Variants in VAV3 observed in about 807,000 individuals in gnomAD.
The protein encoded by VAV3 is guanine nucleotide exchange factor VAV3.
Under a neutral mutation model 131.2 loss-of-function variants are expected in VAV3, and 94 were observed. The observed-to-expected ratio is 0.72, with a 90% CI of 0.61 to 0.85. The LOEUF is 0.85. Ranked by LOEUF, VAV3 falls within the 40% of genes least tolerant of loss-of-function variation. The pLI, the probability that VAV3 is intolerant of heterozygous loss-of-function variation, is 0.00. For synonymous variants in VAV3, 349 were observed against 342.0 expected, an observed-to-expected ratio of 1.02 and a Z score of -0.22; for missense variants, 939 against 1,002.7, an observed-to-expected ratio of 0.94 and a Z score of 0.86.
At chr1:107,826,699 C>A (rs1448776704) in intron 2 of VAV3, among the ~76,000 whole-genome samples, 1 of 152,176 alleles carries the variant, frequency 6.6e-6, no homozygotes, top group Non-Finnish European at 1.5e-5. Flanking sequence ...CTGATCATTA[C>A]AGCCAAAGTG....
At chr1:107,814,536 T>C (rs1667483031) in intron 2 of VAV3, among the ~76,000 whole-genome samples, 3 of 152,242 alleles carry the variant, frequency 2.0e-5, no homozygotes, top group African/African-American at 7.2e-5. Context: ...ATTAGTCCCT[T>C]GTAGAATGAA....
At chr1:107,888,991 C>A (rs2101054381) in intron 1 of VAV3, among the ~76,000 whole-genome samples, 1 of 152,150 alleles carries the variant, frequency 6.6e-6, no homozygotes, top group East Asian at 1.9e-4. Flanking sequence ...CCTAAATTCA[C>A]CTACCCAGCA....
chr1:107,933,859 G>C (rs915694005), intron 1 of VAV3, among the ~76,000 whole-genome samples: 2 of 150,570 alleles, frequency 1.3e-5, no homozygotes, highest in African/African-American at 4.9e-5. Context: ...TGAAAATTGC[G>C]ATTTTAAAAA....
chr1:107,863,213 T>A (rs1000347566), intron 2 of VAV3, among the ~76,000 whole-genome samples: 1 of 152,172 alleles, frequency 6.6e-6, no homozygotes, highest in Non-Finnish European at 1.5e-5. Context: ...TTCTCTCTTC[T>A]CATCCTCTGA....
intron 1 of VAV3, among the ~76,000 whole-genome samples, chr1:107,907,901 G>T (rs1163601592): frequency 6.6e-6 from 1 of 152,090 alleles, no homozygotes; most frequent in African/African-American, 2.4e-5. Flanking sequence ...CAGTAACAGA[G>T]TTTAGAAAGA....
chr1:107,934,921 A>G (rs1367118087), intron 1 of VAV3, among the ~76,000 whole-genome samples: 1 of 152,252 alleles, frequency 6.6e-6, no homozygotes, highest in Non-Finnish European at 1.5e-5. Flanking sequence ...CGACCAGGCT[A>G]TCTGCAGCTT....
intron 1 of VAV3, among the ~76,000 whole-genome samples, chr1:107,931,580 G>T (rs1246224325): frequency 6.6e-6 from 1 of 152,158 alleles, no homozygotes; most frequent in Non-Finnish European, 1.5e-5. Flanking sequence ...CTATTCAAAT[G>T]ATACAGATTA....
chr1:107,770,345 T>C (rs1172087461), intron 6 of VAV3, among the ~76,000 whole-genome samples: 1 of 151,922 alleles, frequency 6.6e-6, no homozygotes, highest in Non-Finnish European at 1.5e-5. Context: ...CTTATGACCA[T>C]CTGGCATATT....
chr1:107,715,475 T>G (rs987703874), intron 15 of VAV3, among the ~76,000 whole-genome samples: 1 of 152,178 alleles, frequency 6.6e-6, no homozygotes, highest in African/African-American at 2.4e-5. Flanking sequence ...ATTAAACATG[T>G]AATAAGCATA....
chr1:107,744,155 T>C (rs888651947), intron 15 of VAV3, among the ~76,000 whole-genome samples: 9 of 152,138 alleles, frequency 5.9e-5, no homozygotes, highest in Non-Finnish European at 1.0e-4. Context: ...CCAGAGTCCC[T>C]CCAGAGCTCT....
intron 20 of VAV3, among the ~76,000 whole-genome samples, chr1:107,621,925 T>C (rs1284167146): frequency 6.6e-6 from 1 of 152,140 alleles, no homozygotes; most frequent in African/African-American, 2.4e-5. Flanking sequence ...ACAGTACAGG[T>C]TGGGTCATTC....
At chr1:107,749,838 G>A (rs961216555) in intron 13 of VAV3, among the ~76,000 whole-genome samples, 1 of 152,126 alleles carries the variant, frequency 6.6e-6, no homozygotes, top group African/African-American at 2.4e-5. Context: ...ATCATAGTAA[G>A]AGTAAAATGC....
chr1:107,725,206 G>A (rs1661767477), intron 15 of VAV3, among the ~76,000 whole-genome samples: 1 of 152,136 alleles, frequency 6.6e-6, no homozygotes. Flanking sequence ...ATGGCAGCAG[G>A]GAGACCAGGT....
chr1:107,932,473 T>C (rs1315179770), intron 1 of VAV3, among the ~76,000 whole-genome samples: 1 of 152,218 alleles, frequency 6.6e-6, no homozygotes, highest in Non-Finnish European at 1.5e-5. Context: ...CTATGCAGTA[T>C]GATTTACAGA....
At chr1:107,619,474 T>C (rs1653407708) in intron 20 of VAV3, among the ~76,000 whole-genome samples, 1 of 152,144 alleles carries the variant, frequency 6.6e-6, no homozygotes, top group African/African-American at 2.4e-5. Flanking sequence ...TATTTGGGAC[T>C]ATACCACTAG....
At chr1:107,935,053 G>A (rs1449369375) in intron 1 of VAV3, among the ~76,000 whole-genome samples, 2 of 152,088 alleles carry the variant, frequency 1.3e-5, no homozygotes, top group Admixed American at 1.3e-4. Flanking sequence ...GAACTGATGG[G>A]GCAAGTTTCC....
At chr1:107,692,981 G>GT (rs1183538655) in intron 17 of VAV3, among the ~76,000 whole-genome samples, 1 of 152,176 alleles carries the variant, frequency 6.6e-6, no homozygotes, top group Non-Finnish European at 1.5e-5. Flanking sequence ...GCTTAGTCAT[G>GT]TAGTGTAGTG....
chr1:107,612,514 C>A (rs1652832475), intron 21 of VAV3, among the ~76,000 whole-genome samples: 1 of 152,046 alleles, frequency 6.6e-6, no homozygotes, highest in South Asian at 2.1e-4. Context: ...TCCTTGAGCA[C>A]CATGATAACA....
At chr1:107,623,646 T>C (rs1056035518) in intron 20 of VAV3, among the ~76,000 whole-genome samples, 4 of 152,236 alleles carry the variant, frequency 2.6e-5, no homozygotes, top group South Asian at 2.1e-4. Flanking sequence ...TTTCTATCAG[T>C]GAACACTTTG....
Sources: allele counts gnomAD v4.1 joint callset (sites outside exome capture counted in the v4.1 genomes callset), GRCh38; gene constraint gnomAD v4.1.1; transcripts MANE v1.5; gene names NCBI Gene and HGNC (gene_info 2026-07-23, HGNC 2026-07-21).